RORB: variants seen among roughly 807,000 people sequenced by gnomAD.
RORB encodes nuclear receptor ROR-beta.
A neutral mutation model predicts 59.1 loss-of-function variants in RORB; 6 were observed. The observed-to-expected ratio is 0.10, with a 90% CI of 0.06 to 0.20. RORB has a LOEUF of 0.20. RORB is among the 10% of genes least tolerant of loss of function. The pLI is 1.00. For missense variants in RORB, 320 were observed against 560.5 expected (o/e 0.57, Z 4.33); for synonymous variants, 215 against 204.5 (o/e 1.05, Z -0.44).
At position 74,660,772 on chromosome 9, in the gene RORB, G is replaced by GATTACCCT. The variant is rs537048304; in HGVS notation, c.759+38_759+45dup. 1.1e-3 allele frequency: 1,798 copies of GATTACCCT among 1,600,398 alleles called. 35 individuals are homozygous for GATTACCCT. In the South Asian group the frequency reaches 0.019, roughly 17 times the overall value. On this transcript the variant is annotated intron_variant, in intron 5 of 9. Coordinates refer to ENST00000376896, the MANE Select transcript of RORB (RefSeq NM_006914.4). ...GGAAACCATGAGAAAGTTTTTCTGT[G>GATTACCCT]ATTACCCTATTGCTGTGTTGCTCAA...
chr9:74,659,929 A>G, intron 4 of RORB, among the ~76,000 whole-genome samples: 1 of 152,152 alleles, frequency 6.6e-6, no homozygotes, highest in Middle Eastern at 3.2e-3. Context: ...AAAGGTTATT[A>G]TATAAAAAAT....
At position 74,671,869 on chromosome 9, in the gene RORB, A is replaced by G. The variant is rs768479176; in HGVS notation, c.1192A>G (p.Lys398Glu). ...IYFALQHVIQKNHLDDETLAK... is the reference protein window; with the variant it reads ...IYFALQHVIQENHLDDETLAK... ...TTTTGCACTTCAACATGTGATTCAGAAGAATCACCTGGATGATGAGACCTT... is the reference window on the plus strand; with the variant it reads ...TTTTGCACTTCAACATGTGATTCAGGAGAATCACCTGGATGATGAGACCTT... The change falls in exon 9 of 10, where the codon AAG becomes GAG. Residue 398 changes from lysine (K) to glutamate (E), a missense_variant. Physicochemically the swap from Lys to Glu is moderately conservative, Grantham distance 56. Around this residue, in one of 4 missense-constraint regions of RORB, gnomAD observed 109 missense variants for 171.0 expected, o/e 0.64. Coordinates refer to ENST00000376896, the MANE Select transcript of RORB (RefSeq NM_006914.4). 4 of 1,610,386 alleles carry G rather than the reference A, an allele frequency of 2.5e-6. No homozygotes were observed. Among genetic ancestry groups the G allele is most frequent in the Non-Finnish European group, 3.4e-6 (4 of 1,177,370 alleles).
intron 8 of RORB, among the ~76,000 whole-genome samples, chr9:74,669,484 A>G (rs1824316688): frequency 1.3e-5 from 2 of 151,092 alleles, no homozygotes; most frequent in Admixed American, 1.3e-4. Flanking sequence ...TGTCTCAAAA[A>G]AAAAAAAAAA....
At chr9:74,525,764 CAG>C (rs1364515120) in intron 1 of RORB, among the ~76,000 whole-genome samples, 3 of 151,910 alleles carry the variant, frequency 2.0e-5, no homozygotes, top group Non-Finnish European at 4.4e-5. Flanking sequence ...CCCATTCTAA[CAG>C]AACCTCGATG....
In RORB at chr9:74,673,224, A is replaced by C. The variant is rs981474872; in HGVS notation, c.1224+1323A>C. Among the ~76,000 whole-genome samples the C allele has an allele frequency of 3.3e-5, 5 of 152,196 alleles. No individual in the cohort carries two copies. The South Asian group carries it at 6.2e-4, about 19-fold the overall frequency. On this transcript the variant is annotated intron_variant, in intron 9 of 9. Transcript: ENST00000376896. Reference sequence around the variant, plus strand: ...AAAAGACAATAATGTAAATATATGCATGTGTCTCTATAGTTGCTTGGTAGC... The same window carrying C: ...AAAAGACAATAATGTAAATATATGCCTGTGTCTCTATAGTTGCTTGGTAGC...
At chr9:74,622,511 C>T (rs1012125083) in intron 1 of RORB, among the ~76,000 whole-genome samples, 5 of 142,284 alleles carry the variant, frequency 3.5e-5, no homozygotes, top group Non-Finnish European at 7.6e-5. Context: ...GATGCTGTTA[C>T]AACCCAGATT....
rs1224218579 is a variant in RORB at position 74,565,994 on chromosome 9, C to T, written c.8-64288C>T. 2.6e-5 allele frequency among the ~76,000 whole-genome samples: 4 copies of T among 152,296 alleles called. No homozygotes were observed. The South Asian group carries it at 8.3e-4, about 32-fold the overall frequency. On this transcript the variant is annotated intron_variant, in intron 1 of 9. Coordinates refer to ENST00000376896, the MANE Select transcript of RORB (RefSeq NM_006914.4). ...ATGGGTTGTGTAAAAATACTTCATA[C>T]ATTTCAGTATTGCTCTCAGGCACTG...
rs576280772 is a variant in RORB at position 74,604,508 on chromosome 9, T to C, written c.8-25774T>C. Among the ~76,000 whole-genome samples, 3 of 152,338 alleles carry C rather than the reference T, an allele frequency of 2.0e-5. No individual in the cohort carries two copies. In the East Asian group the frequency reaches 5.8e-4, roughly 29 times the overall value. On this transcript the variant is annotated intron_variant, in intron 1 of 9. Coordinates refer to ENST00000376896, the MANE Select transcript of RORB (RefSeq NM_006914.4). ...TGTTTTTATCACAGAGTTGACAATA[T>C]ATATTGTTCTTTAGTAAAATGTTCC...
chr9:74,528,376 G>T (rs745559843), intron 1 of RORB, among the ~76,000 whole-genome samples: 2 of 152,026 alleles, frequency 1.3e-5, no homozygotes, highest in Admixed American at 6.6e-5. Context: ...AGTACTGCAA[G>T]CCTCAGGCAT....
chr9:74,641,634 C>T (rs906209806), intron 3 of RORB, among the ~76,000 whole-genome samples: 1 of 152,136 alleles, frequency 6.6e-6, no homozygotes, highest in Non-Finnish European at 1.5e-5. Context: ...GGTGCAGTGG[C>T]TCACATCTGT....
chr9:74,552,813 A>AAATAAT (rs753804338), intron 1 of RORB, among the ~76,000 whole-genome samples: 1 of 151,772 alleles, frequency 6.6e-6, no homozygotes, highest in African/African-American at 2.4e-5. Context: ...TAAAGACACA[A>AAATAAT]AATAATAATA....
intron 1 of RORB, among the ~76,000 whole-genome samples, chr9:74,587,677 C>G (rs1822821907): frequency 6.6e-6 from 1 of 152,138 alleles, no homozygotes; most frequent in Admixed American, 6.5e-5. Flanking sequence ...GGGGCCTCAG[C>G]TGGCATGACT....
intron 8 of RORB, among the ~76,000 whole-genome samples, chr9:74,671,063 ATCT>A (rs1233993514): frequency 2.0e-5 from 3 of 151,958 alleles, no homozygotes; most frequent in African/African-American, 7.2e-5. Flanking sequence ...TGGTGTATAA[ATCT>A]TCTAGGAAGG....
rs535258814 is a variant in RORB at position 74,559,008 on chromosome 9, A to T, written c.7+61025A>T. On this transcript the variant is annotated intron_variant, in intron 1 of 9. Coordinates refer to ENST00000376896, the MANE Select transcript of RORB (RefSeq NM_006914.4). ...GAAAAGAAAATTCTAGGGAGAGTGT[A>T]ACTGACCCATTTAATTAAGACTTTA... is the stretch of plus-strand genomic sequence containing the variant. 2.0e-3 allele frequency among the ~76,000 whole-genome samples: 309 copies of T among 152,292 alleles called. 1 individual carries two copies. Among genetic ancestry groups the T allele is most frequent in the African/African-American group, 7.2e-3 (299 of 41,566 alleles).
intron 4 of RORB, among the ~76,000 whole-genome samples, chr9:74,659,649 C>A (rs1824148555): frequency 6.6e-6 from 1 of 152,068 alleles, no homozygotes; most frequent in African/African-American, 2.4e-5. Flanking sequence ...TGCCACCACA[C>A]CTGGCTAATT....
chr9:74,685,661 A>AT lies in RORB; in HGVS notation c.*45dup. On this transcript the variant is annotated 3_prime_UTR_variant, in exon 10 of 10. Coordinates refer to ENST00000376896, the MANE Select transcript of RORB (RefSeq NM_006914.4). ...TCTCATAGTCATGGAATGCATCACC[A>AT]TTAAGACAAAAGCAATGTGTTCATG... 6.8e-7 allele frequency: 1 copy of AT among 1,466,204 alleles called. No homozygotes were observed. The highest frequency in any genetic ancestry group is 9.2e-7 in the Non-Finnish European group (1 of 1,090,112). 90.8% of individuals were successfully genotyped at this position (1,466,204 alleles called of 1,614,324 possible). A position where few individuals can be genotyped will look rare whatever the true frequency, so the allele number is the denominator to read the frequency against.
At chr9:74,561,985 T>C (rs1220798485) in intron 1 of RORB, among the ~76,000 whole-genome samples, 4 of 152,212 alleles carry the variant, frequency 2.6e-5, no homozygotes, top group African/African-American at 9.6e-5. Flanking sequence ...ATGAGTAGAT[T>C]GTTTATCTGC....
intron 1 of RORB, among the ~76,000 whole-genome samples, chr9:74,581,551 A>C (rs187658989): frequency 1.3e-5 from 2 of 152,314 alleles, no homozygotes; most frequent in East Asian, 3.9e-4. Context: ...AGGTGTCTCC[A>C]CCTGCTTGAG....
chr9:74,649,181 C>G (rs1219377592), intron 4 of RORB, among the ~76,000 whole-genome samples: 1 of 151,958 alleles, frequency 6.6e-6, no homozygotes. Flanking sequence ...AACTCCTGAC[C>G]TCAGGTAACA....
Sources: gnomAD v4.1 joint callset for allele counts (sites outside exome capture counted in the v4.1 genomes callset) on GRCh38, gnomAD v4.1.1 for gene constraint, gnomAD v4.1.1 regional missense constraint, MANE v1.5 for transcripts, NCBI Gene and HGNC (gene_info 2026-07-23, HGNC 2026-07-21) for gene names.